ATF7IP: variants seen among roughly 807,000 people sequenced by gnomAD.
ATF7IP encodes the protein activating transcription factor 7-interacting protein 1.
ATF7IP carries 23 observed loss-of-function variants against 106.4 expected under a neutral mutation model. The observed-to-expected ratio is 0.22, with a 90% CI of 0.16 to 0.31. ATF7IP has a LOEUF of 0.31. ATF7IP is among the 10% of genes least tolerant of loss of function. The probability of loss-of-function intolerance (pLI) is 1.00; values close to 1 mark genes in which losing one functional copy is unlikely to be tolerated. For synonymous variants in ATF7IP, 542 were observed against 539.0 expected (o/e 1.01, Z -0.08); for missense variants, 1,334 against 1,524.3 (o/e 0.88, Z 2.08).
At chr12:14,391,266 G>A (rs1939531549) in intron 1 of ATF7IP, among the ~76,000 whole-genome samples, 1 of 152,200 alleles carries the variant, frequency 6.6e-6, no homozygotes, top group Admixed American at 6.5e-5. Flanking sequence ...TTTAGTGAAA[G>A]AGGGACCTTA....
rs142622259 is a variant in ATF7IP at position 14,502,223 on chromosome 12, T to A, written c.*4150T>A. 6.9e-4 allele frequency: 105 copies of A among 152,314 alleles called. No homozygotes were observed. Among genetic ancestry groups the A allele is most frequent in the African/African-American group, 2.5e-3 (102 of 41,578 alleles). 9.4% of individuals were successfully genotyped at this position (152,314 alleles called of 1,614,324 possible). A position where few individuals can be genotyped will look rare whatever the true frequency, so the allele number is the denominator to read the frequency against. On this transcript the variant is annotated 3_prime_UTR_variant, in exon 15 of 15. Transcript: ENST00000261168. ...AACCGATGTGTGATTCTACCTTCCT[T>A]ACTATTTTTACTGGGCAAATGCCCT...
chr12:14,397,626 T>C (rs1939922582), intron 1 of ATF7IP, among the ~76,000 whole-genome samples: 1 of 152,220 alleles, frequency 6.6e-6, no homozygotes, highest in Non-Finnish European at 1.5e-5. Context: ...TTTCTGTCTG[T>C]CTGTAGCTCT....
chr12:14,373,141 A>C (rs769877998), intron 1 of ATF7IP, among the ~76,000 whole-genome samples: 4 of 152,122 alleles, frequency 2.6e-5, no homozygotes, highest in Non-Finnish European at 5.9e-5. Flanking sequence ...TGTTACTCTT[A>C]TTAGATAGAA....
At chr12:14,446,368 G>A (rs1384978465) in intron 5 of ATF7IP, among the ~76,000 whole-genome samples, 3 of 152,160 alleles carry the variant, frequency 2.0e-5, no homozygotes, top group Non-Finnish European at 2.9e-5. Context: ...GGCTGGTCTC[G>A]AACTCTTGGC....
rs146972131 is a variant in ATF7IP at position 14,424,590 on chromosome 12, C to T, written c.675C>T (p.Ala225=). 8.2e-5 allele frequency: 132 copies of T among 1,613,930 alleles called. No individual in the cohort carries two copies. The Middle Eastern group carries it at 3.9e-3, about 48-fold the overall frequency. The change falls in exon 2 of 15, where the codon GCC becomes GCT. Residue 225 remains alanine (A), a synonymous_variant. Transcript: ENST00000261168. ...TTGAACCCATTTCTGGTGATTGTGC[C>T]GCTGATGATATAGCCTCTAGTGAAA... ...VPVEPISGDC[A]ADDIASSEIT... is the part of the protein sequence containing the mutation.
chr12:14,436,168 C>T lies in ATF7IP; in HGVS notation c.1708C>T (p.Arg570Cys), dbSNP rs751386917. The T allele has an allele frequency of 6.8e-6, 11 of 1,613,264 alleles. No homozygotes were observed. The highest frequency in any genetic ancestry group is 3.3e-5 in the South Asian group (3 of 91,024). Residue 570 changes from arginine (R) to cysteine (C), a missense_variant, in exon 4 of 15, where the codon CGT becomes TGT. This residue lies in a region of ATF7IP where 119 missense variants were observed against 117.8 expected (regional missense o/e 1.01). Coordinates refer to ENST00000261168, the MANE Select transcript of ATF7IP (RefSeq NM_018179.5). ...EDMDNVQSKR[R>C]RYMEEEYEAE... ...CATGGACAATGTACAGTCTAAACGTCGTCGATATATGGAAGAAGAATATGA... is the reference window on the plus strand; with the variant it reads ...CATGGACAATGTACAGTCTAAACGTTGTCGATATATGGAAGAAGAATATGA...
intron 1 of ATF7IP, chr12:14,385,333 A>G: frequency 6.6e-7 from 1 of 1,510,364 alleles, no homozygotes; most frequent in Non-Finnish European, 8.9e-7. Flanking sequence ...CTGCTAACCT[A>G]GTCTTTGTAG....
At chr12:14,414,585 A>G (rs569272569) in intron 1 of ATF7IP, among the ~76,000 whole-genome samples, 2 of 152,300 alleles carry the variant, frequency 1.3e-5, no homozygotes, top group East Asian at 1.9e-4. Flanking sequence ...GCTATTGTAT[A>G]CTGTATATCT....
intron 13 of ATF7IP, chr12:14,481,713 T>C (rs1389608870): frequency 2.9e-6 from 1 of 350,234 alleles, no homozygotes; most frequent in Non-Finnish European, 5.6e-6. Context: ...AGTACACAAT[T>C]TGATATTGGT....
At chr12:14,445,677 G>A (rs1161387531) in intron 5 of ATF7IP, among the ~76,000 whole-genome samples, 2 of 152,068 alleles carry the variant, frequency 1.3e-5, no homozygotes, top group Non-Finnish European at 2.9e-5. Context: ...CATAATATTG[G>A]ACTTAAGCAC....
At chr12:14,445,262 T>A (rs1301359945) in intron 5 of ATF7IP, among the ~76,000 whole-genome samples, 2 of 152,160 alleles carry the variant, frequency 1.3e-5, no homozygotes, top group African/African-American at 2.4e-5. Flanking sequence ...GTATTGGGAT[T>A]ACAGGTGTGA....
Position 14,499,885 on chromosome 12 carries a change from C to A in ATF7IP, c.*1812C>A, listed in dbSNP as rs1426198429. On this transcript the variant is annotated 3_prime_UTR_variant, in exon 15 of 15. Coordinates refer to ENST00000261168, the MANE Select transcript of ATF7IP (RefSeq NM_018179.5). ...CATTTTATGTAACAATTAGATATAA[C>A]CTCCTGTGTATCTCTCTGTTCCTCT... 6.6e-6 allele frequency: 1 copy of A among 152,060 alleles called. No individual in the cohort carries two copies. The highest frequency in any genetic ancestry group is 1.5e-5 in the Non-Finnish European group (1 of 68,024). The allele number at this position is 152,060 out of a possible 1,614,324, so 9.4% of individuals were successfully genotyped here.
chr12:14,402,426 C>G (rs955671459), intron 1 of ATF7IP, among the ~76,000 whole-genome samples: 2 of 151,984 alleles, frequency 1.3e-5, no homozygotes, highest in African/African-American at 4.8e-5. Context: ...CCATGCCTGG[C>G]TATAGTTACT....
intron 1 of ATF7IP, among the ~76,000 whole-genome samples, chr12:14,384,212 A>G (rs1939116622): frequency 6.6e-6 from 1 of 152,136 alleles, no homozygotes; most frequent in Non-Finnish European, 1.5e-5. Flanking sequence ...ACCTATATTT[A>G]GTGATAGATA....
chr12:14,464,751 A>G (rs1408350270), intron 9 of ATF7IP, among the ~76,000 whole-genome samples: 1 of 152,218 alleles, frequency 6.6e-6, no homozygotes, highest in African/African-American at 2.4e-5. Flanking sequence ...GAGAATCTAG[A>G]ATAAGGAATA....
chr12:14,366,469 T>C (rs747986246), intron 1 of ATF7IP, among the ~76,000 whole-genome samples: 14 of 152,220 alleles, frequency 9.2e-5, no homozygotes, highest in Non-Finnish European at 1.6e-4. Flanking sequence ...ACAATTTTAG[T>C]TTTGGGAATA....
rs1048479556 is a variant in ATF7IP at position 14,501,791 on chromosome 12, G to C, written c.*3718G>C. 6.6e-6 allele frequency: 1 copy of C among 152,152 alleles called. No homozygotes were observed. The highest frequency in any genetic ancestry group is 1.5e-5 in the Non-Finnish European group (1 of 68,022). The allele number at this position is 152,152 out of a possible 1,614,324, so 9.4% of individuals were successfully genotyped here. On this transcript the variant is annotated 3_prime_UTR_variant, in exon 15 of 15. Transcript: ENST00000261168. ...GTCTGCAGACCTCCTTAAGCAGGCT[G>C]TATCTTACAATTCCCTTACTGCACT... is the stretch of plus-strand genomic sequence containing the variant.
rs1382248929 is a variant in ATF7IP at position 14,501,708 on chromosome 12, C to T, written c.*3635C>T. 2.0e-5 allele frequency: 3 copies of T among 152,118 alleles called. No homozygotes were observed. Among genetic ancestry groups the T allele is most frequent in the African/African-American group, 7.2e-5 (3 of 41,426 alleles). 9.4% of individuals were successfully genotyped at this position (152,118 alleles called of 1,614,324 possible). On this transcript the variant is annotated 3_prime_UTR_variant, in exon 15 of 15. Transcript: ENST00000261168. ...TGTTCCCCACTCCCATCCCCATTGC[C>T]AGATAATAAATATTTTGAGAAAAGT... is the stretch of plus-strand genomic sequence containing the variant.
intron 8 of ATF7IP, among the ~76,000 whole-genome samples, chr12:14,460,182 T>G (rs1565530862): frequency 6.6e-6 from 1 of 152,190 alleles, no homozygotes; most frequent in Non-Finnish European, 1.5e-5. Flanking sequence ...GTATTTTTTA[T>G]TTGTTTACTA....
Sources: allele counts gnomAD v4.1 joint callset (sites outside exome capture counted in the v4.1 genomes callset), GRCh38; gene constraint gnomAD v4.1.1; regional missense constraint gnomAD v4.1.1; transcripts MANE v1.5; gene names NCBI Gene and HGNC (gene_info 2026-07-23, HGNC 2026-07-21).